SDK1: variants seen among roughly 807,000 people sequenced by gnomAD.
The protein encoded by SDK1 is sidekick cell adhesion molecule 1.
A neutral mutation model predicts 245.5 loss-of-function variants in SDK1; 157 were observed. That is an observed-to-expected ratio of 0.64 (90% CI 0.56 to 0.73). The LOEUF (loss-of-function observed/expected upper bound fraction) is 0.73. SDK1 is among the 30% of genes least tolerant of loss of function. SDK1 has a pLI of 0.00. For synonymous variants in SDK1, 1,647 were observed against 1,278.5 expected, an observed-to-expected ratio of 1.29 and a Z score of -6.15; for missense variants, 3,583 against 3,002.3, an observed-to-expected ratio of 1.19 and a Z score of -4.52.
chr7:3,399,781 T>C (rs78709376), intron 1 of SDK1, among the ~76,000 whole-genome samples: 9,486 of 152,114 alleles, frequency 0.062, 827 homozygotes, highest in African/African-American at 0.2. Context: ...GTATGGCTCT[T>C]TCCTCGGCTT....
intron 36 of SDK1, 98 bp from the exon 37 acceptor site, chr7:4,208,001 A>G: frequency 1.1e-6 from 1 of 885,992 alleles, no homozygotes; most frequent in Non-Finnish European, 1.8e-6. Context: ...TCGCCCCAGA[A>G]CTCAGCTCAC....
intron 1 of SDK1, among the ~76,000 whole-genome samples, chr7:3,553,777 A>G (rs1259973798): frequency 1.3e-5 from 2 of 152,194 alleles, no homozygotes; most frequent in African/African-American, 4.8e-5. Flanking sequence ...TCTTCTGCCC[A>G]GAGAGGAATA....
At chr7:3,970,363 T>G (rs1220856587) in intron 11 of SDK1, among the ~76,000 whole-genome samples, 1 of 152,252 alleles carries the variant, frequency 6.6e-6, no homozygotes, top group Non-Finnish European at 1.5e-5. Flanking sequence ...ATCATGCGTT[T>G]AAAGGAAATT....
chr7:4,161,886 G>T, intron 32 of SDK1, 30 bp downstream of exon 32: 1 of 1,589,354 alleles, frequency 6.3e-7, no homozygotes, highest in Non-Finnish European at 8.6e-7. Context: ...CGCGCGTTTT[G>T]TCAAATGTGT....
chr7:3,448,962 C>G (rs1457987065), intron 1 of SDK1, among the ~76,000 whole-genome samples: 1 of 152,110 alleles, frequency 6.6e-6, no homozygotes, highest in Non-Finnish European at 1.5e-5. Context: ...CAGCTTGCAA[C>G]CTAACAATTT....
chr7:3,902,316 A>T (rs138907924), intron 5 of SDK1, among the ~76,000 whole-genome samples: 196 of 152,296 alleles, frequency 1.3e-3, no homozygotes, highest in African/African-American at 4.4e-3. Context: ...CTTCTCCCAC[A>T]ATAAGAACCC....
At chr7:3,898,209 T>G (rs941455904) in intron 5 of SDK1, among the ~76,000 whole-genome samples, 1 of 152,170 alleles carries the variant, frequency 6.6e-6, no homozygotes, top group African/African-American at 2.4e-5. Flanking sequence ...TATTTTTGGT[T>G]AGGGAGAATC....
At chr7:3,568,170 G>A (rs529973798) in intron 1 of SDK1, among the ~76,000 whole-genome samples, 1 of 152,194 alleles carries the variant, frequency 6.6e-6, no homozygotes, top group Non-Finnish European at 1.5e-5. Context: ...GTTTGAACCA[G>A]TGTCATTATT....
At chr7:4,097,539 C>G (rs1349549577) in intron 22 of SDK1, among the ~76,000 whole-genome samples, 1 of 152,196 alleles carries the variant, frequency 6.6e-6, no homozygotes, top group Non-Finnish European at 1.5e-5. Context: ...ATTGGGCCGC[C>G]CAAGGCCCAA....
intron 4 of SDK1, among the ~76,000 whole-genome samples, chr7:3,760,426 T>TA (rs1252788526): frequency 2.0e-5 from 3 of 152,220 alleles, no homozygotes; most frequent in Non-Finnish European, 2.9e-5. Context: ...GTCATTAGTA[T>TA]ACCTGAATGT....
chr7:3,691,096 T>C (rs1784426695), intron 4 of SDK1, among the ~76,000 whole-genome samples: 1 of 152,236 alleles, frequency 6.6e-6, no homozygotes, highest in South Asian at 2.1e-4. Flanking sequence ...TCTTATCATT[T>C]GACAGGAAGC....
intron 35 of SDK1, among the ~76,000 whole-genome samples, chr7:4,196,043 C>T (rs111855698): frequency 0.042 from 6,442 of 152,290 alleles, 192 homozygotes; most frequent in African/African-American, 0.074. Context: ...AAGCTTACCA[C>T]CCTTCATGTC....
intron 22 of SDK1, among the ~76,000 whole-genome samples, chr7:4,096,488 G>T (rs1782158080): frequency 6.6e-6 from 1 of 152,160 alleles, no homozygotes; most frequent in Non-Finnish European, 1.5e-5. Flanking sequence ...ACTATACCGG[G>T]ATGGGTCGTG....
At chr7:3,468,661 G>T (rs1365838877) in intron 1 of SDK1, among the ~76,000 whole-genome samples, 1 of 152,148 alleles carries the variant, frequency 6.6e-6, no homozygotes, top group East Asian at 1.9e-4. Flanking sequence ...TACATGCCCA[G>T]AGAGGCCAGG....
intron 4 of SDK1, among the ~76,000 whole-genome samples, chr7:3,745,490 A>G (rs901233325): frequency 1.3e-5 from 2 of 152,188 alleles, no homozygotes; most frequent in African/African-American, 2.4e-5. Context: ...TAACTAGAAT[A>G]GAAACGTTAC....
chr7:4,199,760 T>G (rs1360799281), intron 35 of SDK1, among the ~76,000 whole-genome samples: 1 of 152,126 alleles, frequency 6.6e-6, no homozygotes, highest in Non-Finnish European at 1.5e-5. Context: ...GTGCTCTGCC[T>G]TTCTCTCCAC....
At chr7:3,606,982 A>G (rs1053242385) in intron 1 of SDK1, among the ~76,000 whole-genome samples, 1 of 152,210 alleles carries the variant, frequency 6.6e-6, no homozygotes, top group Non-Finnish European at 1.5e-5. Flanking sequence ...TAAAGAAATA[A>G]TACTACTAGT....
chr7:3,753,517 G>C (rs186172131), intron 4 of SDK1, among the ~76,000 whole-genome samples: 3 of 152,186 alleles, frequency 2.0e-5, no homozygotes, highest in South Asian at 2.1e-4. Flanking sequence ...AATGCACTCA[G>C]CCAGGTTGCA....
intron 18 of SDK1, among the ~76,000 whole-genome samples, chr7:4,050,751 C>T (rs1789388822): frequency 6.6e-6 from 1 of 151,470 alleles, no homozygotes; most frequent in South Asian, 2.1e-4. Flanking sequence ...TTTTTTGAGA[C>T]AGAGTAGGTG....
Sources: allele counts gnomAD v4.1 joint callset (sites outside exome capture counted in the v4.1 genomes callset), GRCh38; gene constraint gnomAD v4.1.1; transcripts MANE v1.5; gene names NCBI Gene and HGNC (gene_info 2026-07-23, HGNC 2026-07-21).